The following ADAMTS12 variants were observed in gnomAD, a reference collection of about 807,000 sequenced individuals.
ADAMTS12 encodes ADAM metallopeptidase with thrombospondin type 1 motif 12, also known as A disintegrin and metalloproteinase with thrombospondin motifs 12.
ADAMTS12 carries 118 observed loss-of-function variants against 167.8 expected under a neutral mutation model. That is an observed-to-expected ratio of 0.70 (90% CI 0.61 to 0.82). The LOEUF (loss-of-function observed/expected upper bound fraction) is 0.82, where lower values mean the gene tolerates loss of function less well. Ranked by LOEUF, ADAMTS12 falls within the 40% of genes least tolerant of loss-of-function variation. The pLI is 0.00. For missense variants in ADAMTS12, 1,916 were observed against 1,998.8 expected, an observed-to-expected ratio of 0.96 and a Z score of 0.79; for synonymous variants, 704 against 716.9, an observed-to-expected ratio of 0.98 and a Z score of 0.29.
intron 3 of ADAMTS12, among the ~76,000 whole-genome samples, chr5:33,744,490 C>A (rs1043430436): frequency 2.0e-5 from 3 of 152,118 alleles, no homozygotes; most frequent in East Asian, 3.9e-4. Flanking sequence ...CACTGATAGG[C>A]TTTAGTCATG....
chr5:33,533,692 G>A lies in ADAMTS12; in HGVS notation c.4606+1141C>T, dbSNP rs139070314. Reference sequence around the variant, plus strand: ...ATAATCACACCTAAAGCATTTCCTCGCTCAGTGCATTTTTATCAGTATTTC... The same window carrying A: ...ATAATCACACCTAAAGCATTTCCTCACTCAGTGCATTTTTATCAGTATTTC... On this transcript the variant is annotated intron_variant, in intron 23 of 23. Coordinates refer to ENST00000504830, the MANE Select transcript of ADAMTS12 (RefSeq NM_030955.4). Among the ~76,000 whole-genome samples, 983 of 152,154 alleles carry A rather than the reference G, an allele frequency of 6.5e-3. 12 individuals carry two copies. The highest frequency in any genetic ancestry group is 0.022 in the African/African-American group (930 of 41,500).
chr5:33,545,459 C>T (rs1215033170), intron 22 of ADAMTS12, among the ~76,000 whole-genome samples: 1 of 152,176 alleles, frequency 6.6e-6, no homozygotes, highest in East Asian at 1.9e-4. Context: ...GTGGTGATTC[C>T]TCAAGGATCT....
chr5:33,845,192 GTCTGGAACAGCAGCACCTGATA>G (rs1748899228), intron 2 of ADAMTS12, among the ~76,000 whole-genome samples: 1 of 152,200 alleles, frequency 6.6e-6, no homozygotes, highest in East Asian at 1.9e-4. Context: ...CATTGAGAGG[GTCTGGAACAGCAGCACCTGATA>G]GCAATGAGCA....
intron 5 of ADAMTS12, among the ~76,000 whole-genome samples, chr5:33,667,768 C>G (rs952254467): frequency 6.6e-6 from 1 of 152,152 alleles, no homozygotes; most frequent in Non-Finnish European, 1.5e-5. Flanking sequence ...GCCACATTCT[C>G]CTGACAGCTG....
intron 12 of ADAMTS12, among the ~76,000 whole-genome samples, chr5:33,635,320 C>G (rs746636888): frequency 2.0e-5 from 3 of 152,146 alleles, no homozygotes. Context: ...AAGACATGAA[C>G]ATTGCCTTAG....
intron 16 of ADAMTS12, among the ~76,000 whole-genome samples, chr5:33,596,971 G>A (rs1281566761): frequency 6.6e-6 from 1 of 152,182 alleles, no homozygotes; most frequent in East Asian, 1.9e-4. Flanking sequence ...ATAGGCAAAT[G>A]AAGCCTTGTC....
At chr5:33,563,161 C>A (rs1244372978) in intron 19 of ADAMTS12, among the ~76,000 whole-genome samples, 1 of 152,110 alleles carries the variant, frequency 6.6e-6, no homozygotes, top group Non-Finnish European at 1.5e-5. Context: ...CTACCACTTT[C>A]TTCTTTGTAT....
chr5:33,774,290 AG>A (rs981870717), intron 2 of ADAMTS12, among the ~76,000 whole-genome samples: 1 of 152,140 alleles, frequency 6.6e-6, no homozygotes, highest in African/African-American at 2.4e-5. Flanking sequence ...AAAATTTAAG[AG>A]GGGAACCTGA....
intron 2 of ADAMTS12, among the ~76,000 whole-genome samples, chr5:33,858,940 C>T (rs13153094): frequency 0.22 from 33,756 of 151,896 alleles, 4,289 homozygotes; most frequent in Middle Eastern, 0.3. Context: ...CAAGGGAAGC[C>T]GTGAGGGTCT....
At chr5:33,591,025 T>A (rs941861565) in intron 17 of ADAMTS12, among the ~76,000 whole-genome samples, 7 of 152,074 alleles carry the variant, frequency 4.6e-5, no homozygotes, top group Non-Finnish European at 5.9e-5. Flanking sequence ...TTGTTGGAGA[T>A]TTCTAAAATA....
chr5:33,865,607 G>A (rs1376554808), intron 2 of ADAMTS12, among the ~76,000 whole-genome samples: 1 of 152,144 alleles, frequency 6.6e-6, no homozygotes, highest in Non-Finnish European at 1.5e-5. Context: ...ACTACTGGAA[G>A]TCCTAGACAG....
chr5:33,632,352 G>A (rs1739983366), intron 12 of ADAMTS12, among the ~76,000 whole-genome samples: 1 of 150,798 alleles, frequency 6.6e-6, no homozygotes, highest in Admixed American at 6.6e-5. Context: ...CATTATGCGT[G>A]TAATACCCAG....
At chr5:33,615,639 G>A (rs1293771723) in intron 15 of ADAMTS12, among the ~76,000 whole-genome samples, 189 bp downstream of exon 15, 1 of 152,132 alleles carries the variant, frequency 6.6e-6, no homozygotes, top group African/African-American at 2.4e-5. Flanking sequence ...ATTTTGTTAT[G>A]GGGGTTTCAG....
intron 23 of ADAMTS12, among the ~76,000 whole-genome samples, chr5:33,530,451 C>T (rs256602): frequency 0.54 from 82,408 of 152,100 alleles, 25,292 homozygotes; most frequent in African/African-American, 0.82. Context: ...CCTGGCAGGG[C>T]AGTCCAAGCA....
rs75413462 is a variant in ADAMTS12 at position 33,823,163 on chromosome 5, A to C, written c.489+57956T>G. On this transcript the variant is annotated intron_variant, in intron 2 of 23. Coordinates refer to ENST00000504830, the MANE Select transcript of ADAMTS12 (RefSeq NM_030955.4). ...CAAAGCCCTCCTTTGGACTGCCCAT[A>C]ATATTGACTGCATTATCTATTCTGA... Among the ~76,000 whole-genome samples the C allele has an allele frequency of 4.4e-4, 67 of 152,220 alleles. 1 individual carries two copies. In the East Asian group the frequency reaches 0.011, roughly 25 times the overall value.
intron 2 of ADAMTS12, among the ~76,000 whole-genome samples, chr5:33,781,100 T>G (rs1246612732): frequency 6.6e-6 from 1 of 152,134 alleles, no homozygotes; most frequent in Non-Finnish European, 1.5e-5. Context: ...GCTGAGTTCT[T>G]GGGGGACATT....
intron 2 of ADAMTS12, among the ~76,000 whole-genome samples, chr5:33,753,025 G>C (rs918440339): frequency 1.3e-5 from 2 of 152,182 alleles, no homozygotes; most frequent in African/African-American, 4.8e-5. Context: ...AGAAAAAATA[G>C]AGCACTTTAC....
intron 6 of ADAMTS12, among the ~76,000 whole-genome samples, chr5:33,660,919 T>G (rs1215914029): frequency 6.6e-6 from 1 of 152,194 alleles, no homozygotes; most frequent in East Asian, 1.9e-4. Flanking sequence ...AGGTAGACAT[T>G]TGGATAGGGT....
Position 33,733,653 on chromosome 5 carries a change from G to A in ADAMTS12, c.634+17751C>T, listed in dbSNP as rs115060689. Reference sequence around the variant, plus strand: ...CCTTATACTCCAAACAAACATGGCCGTGCTTTGTGCAAATCCAGGTGGCTT... The same window carrying A: ...CCTTATACTCCAAACAAACATGGCCATGCTTTGTGCAAATCCAGGTGGCTT... On this transcript the variant is annotated intron_variant, in intron 3 of 23. Coordinates refer to ENST00000504830, the MANE Select transcript of ADAMTS12 (RefSeq NM_030955.4). Among the ~76,000 whole-genome samples, 1,437 of 152,252 alleles carry A rather than the reference G, an allele frequency of 9.4e-3. 26 individuals carry two copies. Among genetic ancestry groups the A allele is most frequent in the African/African-American group, 0.033 (1,384 of 41,536 alleles).
Sources: gnomAD v4.1 joint callset for allele counts (sites outside exome capture counted in the v4.1 genomes callset) on GRCh38, gnomAD v4.1.1 for gene constraint, MANE v1.5 for transcripts, NCBI Gene and HGNC (gene_info 2026-07-23, HGNC 2026-07-21) for gene names.